HTR4: variants seen among roughly 807,000 people sequenced by gnomAD.
HTR4 encodes the protein 5-hydroxytryptamine receptor 4.
A neutral mutation model predicts 36.8 loss-of-function variants in HTR4; 16 were observed. The ratio of observed to expected loss-of-function variants is 0.43; its 90% CI spans 0.29 to 0.66. HTR4 has a LOEUF of 0.66. HTR4 is among the 30% of genes least tolerant of loss of function. HTR4 has a pLI of 0.13. For missense variants in HTR4, 438 were observed against 490.9 expected (o/e 0.89, Z 1.02); for synonymous variants, 189 against 185.1 (o/e 1.02, Z -0.17).
intron 5 of HTR4, among the ~76,000 whole-genome samples, chr5:148,518,983 C>T (rs1757886352): frequency 6.6e-6 from 1 of 152,014 alleles, no homozygotes; most frequent in Non-Finnish European, 1.5e-5. Context: ...TTTCTCCTCA[C>T]TAGATTTTAA....
At chr5:148,595,147 G>A (rs1250834707) in intron 2 of HTR4, among the ~76,000 whole-genome samples, 1 of 151,106 alleles carries the variant, frequency 6.6e-6, no homozygotes, top group Non-Finnish European at 1.5e-5. Context: ...ACTGCAAATA[G>A]CAAAATCCTC....
At chr5:148,479,737 T>C (rs924831446), downstream of HTR4, among the ~76,000 whole-genome samples, 1 of 152,180 alleles carries the variant, frequency 6.6e-6, no homozygotes, top group Admixed American at 6.5e-5. Context: ...ACAACCATCA[T>C]TACAATTTGT....
chr5:148,550,852 C>T (rs988032305), intron 2 of HTR4, among the ~76,000 whole-genome samples: 1 of 152,104 alleles, frequency 6.6e-6, no homozygotes, highest in South Asian at 2.1e-4. Flanking sequence ...ATATAGAGCC[C>T]TAGCATCACC....
Position 148,550,392 on chromosome 5 carries a change from C to A in HTR4, c.27-130G>T, listed in dbSNP as rs540195112. ...GCTGATGACACATATATTTATCATGCGTTTAATGTACACCAAAATCTGAAC... is the reference window on the plus strand; with the variant it reads ...GCTGATGACACATATATTTATCATGAGTTTAATGTACACCAAAATCTGAAC... On this transcript the variant is annotated intron_variant, in intron 2 of 6. Transcript: ENST00000377888. The A allele has an allele frequency of 1.4e-5, 14 of 1,004,060 alleles. No homozygotes were observed. The South Asian group carries it at 2.1e-4, about 15-fold the overall frequency. 62.2% of individuals were successfully genotyped at this position (1,004,060 alleles called of 1,614,324 possible).
At chr5:148,508,297 T>C (rs949346621) in intron 6 of HTR4, among the ~76,000 whole-genome samples, 3 of 152,202 alleles carry the variant, frequency 2.0e-5, no homozygotes, top group African/African-American at 4.8e-5. Context: ...AAAATGTCAC[T>C]GGCAATCCTG....
intron 4 of HTR4, among the ~76,000 whole-genome samples, chr5:148,542,543 G>T (rs1406332338): frequency 6.6e-6 from 1 of 152,194 alleles, no homozygotes. Context: ...AAATTTTTGA[G>T]CTGTGCAGAG....
At chr5:148,541,098 G>A (rs540899115) in intron 4 of HTR4, among the ~76,000 whole-genome samples, 3 of 152,260 alleles carry the variant, frequency 2.0e-5, no homozygotes, top group Admixed American at 6.5e-5. Flanking sequence ...GAGAAGGGAA[G>A]GGATTTTCTA....
intron 2 of HTR4, among the ~76,000 whole-genome samples, chr5:148,615,569 T>C (rs1247446695): frequency 4.2e-5 from 6 of 144,518 alleles, no homozygotes; most frequent in Non-Finnish European, 9.0e-5. Context: ...TTGGGAGATA[T>C]ACCTAATGCT....
chr5:148,522,423 C>T (rs1758066529), intron 5 of HTR4, among the ~76,000 whole-genome samples: 1 of 152,170 alleles, frequency 6.6e-6, no homozygotes, highest in Non-Finnish European at 1.5e-5. Context: ...GGGCATGTTA[C>T]TTAACCTTAA....
At chr5:148,554,995 G>T (rs1759873910) in intron 2 of HTR4, among the ~76,000 whole-genome samples, 1 of 151,556 alleles carries the variant, frequency 6.6e-6, no homozygotes, top group African/African-American at 2.4e-5. Flanking sequence ...CTCTTTTGGG[G>T]CTTAATATCA....
At chr5:148,583,851 G>T (rs946443659) in intron 2 of HTR4, among the ~76,000 whole-genome samples, 2 of 152,044 alleles carry the variant, frequency 1.3e-5, no homozygotes, top group Non-Finnish European at 2.9e-5. Flanking sequence ...GAGGGCTGTG[G>T]TTGAAGCTCT....
At chr5:148,476,735 G>A (rs1755710591), downstream of HTR4, 2 of 1,613,510 alleles carry the variant, frequency 1.2e-6, no homozygotes, top group Non-Finnish European at 1.7e-6. Flanking sequence ...AGTCCTCAAG[G>A]AGCTCAAAAT....
At chr5:148,621,466 C>A (rs555412012) in intron 2 of HTR4, among the ~76,000 whole-genome samples, 1 of 152,208 alleles carries the variant, frequency 6.6e-6, no homozygotes, top group African/African-American at 2.4e-5. Flanking sequence ...CCTAGCAGTA[C>A]CTGCCAGTTG....
At chr5:148,653,948 G>T in intron 1 of HTR4, 114 bp downstream of exon 1, 1 of 644,560 alleles carries the variant, frequency 1.6e-6, no homozygotes, top group South Asian at 6.8e-5. Context: ...CGGGTGTCCT[G>T]AGTCCAGAAC....
intron 2 of HTR4, among the ~76,000 whole-genome samples, chr5:148,576,129 A>AAAAAAAAAAAAAAAAAAAAAAAAT (rs1760904399): frequency 7.0e-6 from 1 of 143,880 alleles, no homozygotes; most frequent in African/African-American, 2.7e-5. Flanking sequence ...AAAAAAAAAA[A>AAAAAAAAAAAAAAAAAAAAAAAAT]AAAACAAAAT....
intron 5 of HTR4, among the ~76,000 whole-genome samples, chr5:148,457,396 G>T (rs896172791): frequency 1.3e-5 from 2 of 151,930 alleles, no homozygotes; most frequent in Admixed American, 6.6e-5. Flanking sequence ...ATTAGATTTG[G>T]TAATTACCTG....
chr5:148,479,268 C>T (rs1266173192), downstream of HTR4, among the ~76,000 whole-genome samples: 1 of 152,010 alleles, frequency 6.6e-6, no homozygotes, highest in Admixed American at 6.6e-5. Context: ...GGGCTACTAG[C>T]TTTCCTTTGA....
In HTR4 at chr5:148,627,495, T is replaced by C. The variant is rs530895680; in HGVS notation, c.26+9494A>G. Among the ~76,000 whole-genome samples the C allele has an allele frequency of 2.6e-5, 4 of 152,322 alleles. 1 individual carries two copies. The South Asian group carries it at 8.3e-4, about 32-fold the overall frequency. On this transcript the variant is annotated intron_variant, in intron 2 of 6. Transcript: ENST00000377888. ...GTGAGGCTAGAAACGTCAGTTACAC[T>C]GTTGATAGAGAAAGTTGAGAATAAA...
intron 1 of HTR4, among the ~76,000 whole-genome samples, chr5:148,653,481 A>G (rs553696827): frequency 6.6e-6 from 1 of 152,274 alleles, no homozygotes; most frequent in African/African-American, 2.4e-5. Flanking sequence ...CAACTGCAGG[A>G]TGGTTGCGAG....
Sources: allele counts gnomAD v4.1 joint callset (sites outside exome capture counted in the v4.1 genomes callset), GRCh38; gene constraint gnomAD v4.1.1; transcripts MANE v1.5; gene names NCBI Gene and HGNC (gene_info 2026-07-23, HGNC 2026-07-21).